GNG7: variants seen among roughly 807,000 people sequenced by gnomAD.
GNG7 encodes guanine nucleotide-binding protein G(I)/G(S)/G(O) subunit gamma-7.
Under a neutral mutation model 4.0 loss-of-function variants are expected in GNG7, and 1 was observed. The ratio of observed to expected loss-of-function variants is 0.25; its 90% CI spans 0.09 to 1.18. The LOEUF (loss-of-function observed/expected upper bound fraction) is 1.18. GNG7 is among the 50% of genes most tolerant of loss of function. The pLI, the probability that GNG7 is intolerant of heterozygous loss-of-function variation, is 0.50. For missense variants in GNG7, 86 were observed against 91.9 expected, an observed-to-expected ratio of 0.94 and a Z score of 0.26; for synonymous variants, 34 against 36.9, an observed-to-expected ratio of 0.92 and a Z score of 0.29.
intron 3 of GNG7, among the ~76,000 whole-genome samples, chr19:2,549,068 CA>C (rs972468742): frequency 2.0e-5 from 3 of 150,236 alleles, no homozygotes; most frequent in Non-Finnish European, 3.0e-5. Context: ...CGAGGGACCC[CA>C]GGGGGGACAC....
intron 2 of GNG7, among the ~76,000 whole-genome samples, chr19:2,624,190 CTA>C (rs1981953177): frequency 6.6e-6 from 1 of 151,918 alleles, no homozygotes; most frequent in South Asian, 2.1e-4. Context: ...TTAGAAATGG[CTA>C]AGATGGTAAA....
At chr19:2,551,833 G>A (rs570828856) in intron 3 of GNG7, among the ~76,000 whole-genome samples, 24 of 152,002 alleles carry the variant, frequency 1.6e-4, no homozygotes, top group South Asian at 6.2e-4. Context: ...ACAGGCATGC[G>A]TCACCACGCC....
At chr19:2,576,335 C>T (rs1053854358) in intron 2 of GNG7, among the ~76,000 whole-genome samples, 5 of 152,212 alleles carry the variant, frequency 3.3e-5, no homozygotes, top group Admixed American at 6.5e-5. Context: ...GGCCTGCACA[C>T]GGTGTGCTGG....
chr19:2,603,294 T>G (rs934986567), intron 2 of GNG7, among the ~76,000 whole-genome samples: 2 of 152,218 alleles, frequency 1.3e-5, no homozygotes, highest in African/African-American at 2.4e-5. Flanking sequence ...CTCGATCTCC[T>G]GACCTCGTGA....
chr19:2,620,818 G>T (rs1981850194), intron 2 of GNG7, among the ~76,000 whole-genome samples: 2 of 152,182 alleles, frequency 1.3e-5, no homozygotes, highest in Admixed American at 1.3e-4. Context: ...TCTGGCTCCG[G>T]GCAACAGAGC....
intron 3 of GNG7, among the ~76,000 whole-genome samples, chr19:2,549,581 A>G (rs1276780701): frequency 1.3e-5 from 2 of 152,026 alleles, no homozygotes; most frequent in African/African-American, 4.8e-5. Context: ...GAGCCACCGC[A>G]CTGGCCGGGG....
At chr19:2,540,563 T>A (rs1209972256) in intron 3 of GNG7, among the ~76,000 whole-genome samples, 1 of 152,174 alleles carries the variant, frequency 6.6e-6, no homozygotes, top group Non-Finnish European at 1.5e-5. Flanking sequence ...AATCCAGGTG[T>A]CCTGGGCTGT....
chr19:2,585,106 AG>A lies in GNG7; in HGVS notation c.-77-29919del, dbSNP rs1272904741. ...AGGGAGGGAAGAAAAGAAGGAAGGA[AG>A]GAAGGAAAGAAGGTAGGAATGAAGG... On this transcript the variant is annotated intron_variant, in intron 2 of 4. Coordinates refer to ENST00000382159, the MANE Select transcript of GNG7 (RefSeq NM_052847.3). 5.6e-3 allele frequency among the ~76,000 whole-genome samples: 367 copies of A among 65,804 alleles called. 9 individuals are homozygous for A. The highest frequency in any genetic ancestry group is 0.038 in the African/African-American group (361 of 9,458). 43.2% of individuals were successfully genotyped at this position (65,804 alleles called of 152,430 possible).
At chr19:2,674,143 T>C (rs748861711) in intron 1 of GNG7, among the ~76,000 whole-genome samples, 4 of 152,058 alleles carry the variant, frequency 2.6e-5, no homozygotes, top group Non-Finnish European at 4.4e-5. Context: ...ACCTTGCCTA[T>C]AATCCCAGCT....
At chr19:2,587,205 G>A (rs373298424) in intron 2 of GNG7, among the ~76,000 whole-genome samples, 25 of 151,978 alleles carry the variant, frequency 1.6e-4, no homozygotes, top group African/African-American at 5.6e-4. Context: ...AGGAGGAAGT[G>A]ACCTGCACAC....
At chr19:2,625,572 C>A (rs2144837120) in intron 2 of GNG7, among the ~76,000 whole-genome samples, 1 of 152,252 alleles carries the variant, frequency 6.6e-6, no homozygotes, top group Middle Eastern at 3.4e-3. Context: ...AACCAAGGTT[C>A]TGCCACCAAC....
chr19:2,621,923 C>G (rs1309115755), intron 2 of GNG7, among the ~76,000 whole-genome samples: 1 of 152,108 alleles, frequency 6.6e-6, no homozygotes, highest in African/African-American at 2.4e-5. Flanking sequence ...TGAGAGGACA[C>G]ACGTCTGCGG....
At chr19:2,600,616 C>T (rs1033703321) in intron 2 of GNG7, among the ~76,000 whole-genome samples, 11 of 151,782 alleles carry the variant, frequency 7.2e-5, no homozygotes, top group South Asian at 2.1e-4. Context: ...GGATTACAGG[C>T]GCCACCACCA....
chr19:2,515,449 A>G (rs1055189028), intron 4 of GNG7, among the ~76,000 whole-genome samples: 1 of 148,826 alleles, frequency 6.7e-6, no homozygotes, highest in African/African-American at 2.5e-5. Context: ...TTTTTTTGAG[A>G]CAGAGACTCT....
chr19:2,628,048 A>C (rs6510691), intron 2 of GNG7, among the ~76,000 whole-genome samples: 32,542 of 152,186 alleles, frequency 0.21, 6,869 homozygotes, highest in African/African-American at 0.55. Context: ...AGCCCCTCTC[A>C]GCTACTGTTT....
rs956968737 is a variant in GNG7 at position 2,611,011 on chromosome 19, G to A, written c.-78+35213C>T. The A allele has an allele frequency of 7.2e-6, 1 of 139,628 alleles. No individual in the cohort carries two copies. The highest frequency in any genetic ancestry group is 7.3e-5 in the Admixed American group (1 of 13,728). 8.6% of individuals were successfully genotyped at this position (139,628 alleles called of 1,614,324 possible). A position where few individuals can be genotyped will look rare whatever the true frequency, so the allele number is the denominator to read the frequency against. The stretch of plus-strand genomic sequence containing the variant: ...GGGCTCACGTGCCAGGCTCGGGGGG[G>A]GGGAAGCGTCCTCAACATTCTCAGA... On this transcript the variant is annotated intron_variant, in intron 2 of 4. Coordinates refer to ENST00000382159, the MANE Select transcript of GNG7 (RefSeq NM_052847.3). The surrounding 1 kb of genome is among the most constrained non-coding windows in gnomAD (Gnocchi z 6.0).
At chr19:2,541,267 T>A (rs1173582623) in intron 3 of GNG7, among the ~76,000 whole-genome samples, 1 of 151,726 alleles carries the variant, frequency 6.6e-6, no homozygotes, top group Non-Finnish European at 1.5e-5. Flanking sequence ...GGCCAGGAGT[T>A]CAAAGCCAGC....
At chr19:2,643,277 G>C (rs1054478875) in intron 2 of GNG7, 27 of 425,412 alleles carry the variant, frequency 6.3e-5, no homozygotes, top group African/African-American at 5.0e-4. Context: ...TTCCCGCCCT[G>C]CACCATGTGC....
chr19:2,555,685 C>T (rs972470582), intron 2 of GNG7, among the ~76,000 whole-genome samples: 1 of 151,990 alleles, frequency 6.6e-6, no homozygotes, highest in African/African-American at 2.4e-5. Flanking sequence ...GACAGGTATA[C>T]GGGGGGCAGG....
Sources: allele counts gnomAD v4.1 joint callset (sites outside exome capture counted in the v4.1 genomes callset), GRCh38; gene constraint gnomAD v4.1.1; non-coding constraint Gnocchi (gnomAD v3.1); transcripts MANE v1.5; gene names NCBI Gene and HGNC (gene_info 2026-07-23, HGNC 2026-07-21).